Variants in SIRPG observed in about 807,000 individuals in gnomAD.
The protein encoded by SIRPG is signal regulatory protein gamma.
In SIRPG, 38 loss-of-function variants were observed where a neutral mutation model predicts 35.7. The ratio of observed to expected loss-of-function variants is 1.06; its 90% CI spans 0.82 to 1.40. The LOEUF (loss-of-function observed/expected upper bound fraction) is 1.40. Ranked by LOEUF, SIRPG falls within the 40% of genes most tolerant of loss-of-function variation. The pLI, the probability that SIRPG is intolerant of heterozygous loss-of-function variation, is 0.00. For synonymous variants in SIRPG, 215 were observed against 190.4 expected (o/e 1.13, Z -1.06); for missense variants, 519 against 483.0 (o/e 1.07, Z -0.70).
chr20:1,680,884 T>A, the SIRPG span, among the ~76,000 whole-genome samples: 2 of 152,254 alleles, frequency 1.3e-5, no homozygotes, highest in African/African-American at 4.8e-5. Flanking sequence ...ACTATTTTAT[T>A]TACCTCCTTA....
At chr20:1,632,275 TG>T (rs2091756979) in intron 4 of SIRPG, among the ~76,000 whole-genome samples, 1 of 152,198 alleles carries the variant, frequency 6.6e-6, no homozygotes, top group Admixed American at 6.5e-5. Context: ...TGCACAACCC[TG>T]GCTCTCAGTA....
chr20:1,669,126 T>A, the SIRPG span, among the ~76,000 whole-genome samples: 21,241 of 152,116 alleles, frequency 0.14, 1,643 homozygotes, highest in Non-Finnish European at 0.16. Context: ...GGACAATGTC[T>A]AGCAGAAGGG....
the SIRPG span, chr20:1,666,309 A>G: frequency 1.3e-5 from 2 of 152,244 alleles, no homozygotes; most frequent in Non-Finnish European, 2.9e-5. Context: ...TAAGGTTAAT[A>G]TATTATTGAA....
At chr20:1,681,612 C>T in the SIRPG span, among the ~76,000 whole-genome samples, 1 of 152,124 alleles carries the variant, frequency 6.6e-6, no homozygotes, top group Admixed American at 6.5e-5. Context: ...TGGGCAGATA[C>T]CTGAGGTCAG....
chr20:1,654,236 TAAA>T (rs78737562), intron 1 of SIRPG, among the ~76,000 whole-genome samples: 17 of 115,400 alleles, frequency 1.5e-4, no homozygotes, highest in Admixed American at 1.8e-4. Context: ...AGACTGCATC[TAAA>T]AAAAAAAAAA....
chr20:1,632,759 C>A (rs1475016410), intron 4 of SIRPG, among the ~76,000 whole-genome samples: 1 of 152,062 alleles, frequency 6.6e-6, no homozygotes, highest in African/African-American at 2.4e-5. Flanking sequence ...CCAACACCAG[C>A]CCCAGCCATA....
chr20:1,635,149 G>T, intron 4 of SIRPG, 118 bp downstream of exon 4: 7 of 770,822 alleles, frequency 9.1e-6, no homozygotes, highest in Non-Finnish European at 1.0e-5. Context: ...GGGGGATGGA[G>T]CTGACATTAA....
the SIRPG span, chr20:1,671,125 C>A: frequency 2.3e-6 from 1 of 427,376 alleles, no homozygotes; most frequent in Non-Finnish European, 4.8e-6. Context: ...GTGGGACTCA[C>A]AGGTGAAGCT....
chr20:1,635,496 G>A lies in SIRPG; in HGVS notation c.852C>T (p.Thr284=). ...RKFYPQSLQL[T]WSENGNVCQR... ...GGCACACGTTTCCATTCTCCGACCA[G>A]GTCAGCTGTAGGCTCTGGGGGTAGA... is the stretch of plus-strand genomic sequence containing the variant. Residue 284 remains threonine (T), a synonymous_variant, in exon 4 of 6, where the codon ACC becomes ACT. Coordinates refer to ENST00000303415, the MANE Select transcript of SIRPG (RefSeq NM_018556.4). 3 of 1,614,140 alleles carry A rather than the reference G, an allele frequency of 1.9e-6. No individual in the cohort carries two copies. The highest frequency in any genetic ancestry group is 2.2e-5 in the South Asian group (2 of 91,084).
chr20:1,673,679 C>G, the SIRPG span, among the ~76,000 whole-genome samples: 2 of 151,996 alleles, frequency 1.3e-5, no homozygotes, highest in East Asian at 3.9e-4. Context: ...TCTGAACAAT[C>G]CCCTCAGGAA....
At chr20:1,630,393 C>G in intron 4 of SIRPG, 87 bp from the exon 5 acceptor site, 1 of 1,008,972 alleles carries the variant, frequency 9.9e-7, no homozygotes, top group Non-Finnish European at 1.5e-6. Context: ...CTGAGGCTGC[C>G]TGGGCCCATC....
chr20:1,638,770 A>AC (rs1052866329), intron 2 of SIRPG, among the ~76,000 whole-genome samples: 7 of 69,420 alleles, frequency 1.0e-4, no homozygotes, highest in East Asian at 5.1e-4. Context: ...CCTTCCCCTC[A>AC]CCCCCCCACC....
At chr20:1,657,838 GCAA>G, upstream of SIRPG, 1 of 840,604 alleles carries the variant, frequency 1.2e-6, no homozygotes, top group East Asian at 2.6e-5. Context: ...ATGATGGAAT[GCAA>G]CAGTAACCTG....
At chr20:1,639,361 C>G (rs533722338) in intron 2 of SIRPG, among the ~76,000 whole-genome samples, 13 of 152,224 alleles carry the variant, frequency 8.5e-5, no homozygotes, top group Non-Finnish European at 1.8e-4. Flanking sequence ...TTTCATTTCT[C>G]TAATGATCAG....
intron 1 of SIRPG, 92 bp downstream of exon 1, chr20:1,657,550 T>G (rs2091982669): frequency 2.1e-5 from 27 of 1,256,158 alleles, no homozygotes; most frequent in Non-Finnish European, 2.3e-5. Flanking sequence ...TCCTTGGCAG[T>G]GCTTGTGCTT....
At position 1,649,060 on chromosome 20, in the gene SIRPG, G is replaced by A. The variant is rs370649250; in HGVS notation, c.422C>T (p.Ala141Val). 1 of 1,613,526 alleles carries A rather than the reference G, an allele frequency of 6.2e-7. No individual in the cohort carries two copies. The highest frequency in any genetic ancestry group is 1.3e-5 in the African/African-American group (1 of 75,002). ...EFKSGPGTEMALGAKPSAPVV... is the reference protein window; with the variant it reads ...EFKSGPGTEMVLGAKPSAPVV... ...GTCCATGTTGTACTCACCACCCAAA[G>A]CCATCTCAGTGCCTGGTCCAGACTT... The change falls in exon 2 of 6, where the codon GCT becomes GTT. Residue 141 changes from alanine (A) to valine (V), a missense_variant. Transcript: ENST00000303415.
At chr20:1,631,689 C>T (rs2091751725) in intron 4 of SIRPG, among the ~76,000 whole-genome samples, 1 of 152,208 alleles carries the variant, frequency 6.6e-6, no homozygotes, top group South Asian at 2.1e-4. Flanking sequence ...CAATGAGGAC[C>T]TCAGGGCTGG....
chr20:1,645,013 T>C (rs1293516801), intron 2 of SIRPG, among the ~76,000 whole-genome samples: 1 of 152,198 alleles, frequency 6.6e-6, no homozygotes, highest in African/African-American at 2.4e-5. Flanking sequence ...GCGTGACATC[T>C]TGGTGTTTTG....
At chr20:1,664,611 A>G in the SIRPG span, among the ~76,000 whole-genome samples, 1 of 152,188 alleles carries the variant, frequency 6.6e-6, no homozygotes, top group Non-Finnish European at 1.5e-5. Flanking sequence ...TGGGGCATCA[A>G]GGTGGCAGAG....
Sources: gnomAD v4.1 joint callset for allele counts (sites outside exome capture counted in the v4.1 genomes callset) on GRCh38, gnomAD v4.1.1 for gene constraint, MANE v1.5 for transcripts, NCBI Gene and HGNC (gene_info 2026-07-23, HGNC 2026-07-21) for gene names.